Variants in TMEM255B observed in about 807,000 individuals in gnomAD.
TMEM255B encodes the protein transmembrane protein 255B.
A neutral mutation model predicts 34.5 loss-of-function variants in TMEM255B; 35 were observed. That is an observed-to-expected ratio of 1.01 (90% CI 0.77 to 1.34). TMEM255B has a LOEUF of 1.34. Among genes scored for constraint, TMEM255B ranks in the 40% most tolerant of loss-of-function variants. TMEM255B has a pLI of 0.00. For missense variants in TMEM255B, 432 were observed against 433.2 expected (o/e 1.00, Z 0.02); for synonymous variants, 206 against 201.2 (o/e 1.02, Z -0.20).
chr13:113,777,308 C>T (rs1442472801), intron 3 of TMEM255B, among the ~76,000 whole-genome samples: 1 of 152,156 alleles, frequency 6.6e-6, no homozygotes, highest in African/African-American at 2.4e-5. Context: ...CTCTCTGCCT[C>T]TCTTTACACC....
At chr13:113,786,209 C>T (rs1408761989) in intron 3 of TMEM255B, among the ~76,000 whole-genome samples, 2 of 152,154 alleles carry the variant, frequency 1.3e-5, no homozygotes, top group Non-Finnish European at 2.9e-5. Context: ...TTGTCACCAT[C>T]GTCACCATCC....
In TMEM255B at chr13:113,812,881, TGGGTCACAGGCCC is replaced by T. The variant is rs2051343743; in HGVS notation, c.*979_*991del. On this transcript the variant is annotated 3_prime_UTR_variant, in exon 9 of 9. Coordinates refer to ENST00000375353, the MANE Select transcript of TMEM255B (RefSeq NM_182614.4). ...TCCCGGGTGGGTCACAGGTCCCGAGTGGGTCACAGGCCCCGGGTGAGTCACAGGCCCCGGGTGA... is the reference window on the plus strand; with the variant it reads ...TCCCGGGTGGGTCACAGGTCCCGAGTCGGGTGAGTCACAGGCCCCGGGTGA... 2 of 155,836 alleles carry T rather than the reference TGGGTCACAGGCCC, an allele frequency of 1.3e-5. No individual in the cohort carries two copies. The highest frequency in any genetic ancestry group is 5.8e-5 in the African/African-American group (2 of 34,560). The allele number at this position is 155,836 out of a possible 1,614,324, so 9.7% of individuals were successfully genotyped here. A position where few individuals can be genotyped will look rare whatever the true frequency, so the allele number is the denominator to read the frequency against.
chr13:113,766,268 C>T lies in TMEM255B; in HGVS notation c.189+11C>T, dbSNP rs145294541. ...TACCCAGGGATCATTGTGAGTGCGC[C>T]GGGCGGGCGGCCTGGGCCGGGGAGG... is the stretch of plus-strand genomic sequence containing the variant. On this transcript the variant is annotated intron_variant, in intron 2 of 8. Coordinates refer to ENST00000375353, the MANE Select transcript of TMEM255B (RefSeq NM_182614.4). The T allele has an allele frequency of 1.9e-5, 30 of 1,613,632 alleles. No individual in the cohort carries two copies. Among genetic ancestry groups the T allele is most frequent in the Admixed American group, 6.7e-5 (4 of 60,008 alleles).
chr13:113,792,667 A>G (rs893309865), intron 3 of TMEM255B, among the ~76,000 whole-genome samples: 13 of 152,334 alleles, frequency 8.5e-5, no homozygotes, highest in African/African-American at 3.1e-4. Flanking sequence ...GGGCAGCTAC[A>G]CCATGCGATG....
At chr13:113,795,289 G>A (rs570318916) in intron 4 of TMEM255B, 52 bp downstream of exon 4, 9 of 1,563,312 alleles carry the variant, frequency 5.8e-6, no homozygotes, top group African/African-American at 2.7e-5. Context: ...TGAAAGAGTC[G>A]ACGTGAAAAA....
chr13:113,786,754 A>G (rs2050753269), intron 3 of TMEM255B, among the ~76,000 whole-genome samples: 2 of 152,238 alleles, frequency 1.3e-5, no homozygotes, highest in African/African-American at 4.8e-5. Context: ...CCTCCCTGGC[A>G]TCCACGTCAG....
At chr13:113,805,740 G>C (rs2051159153) in intron 8 of TMEM255B, among the ~76,000 whole-genome samples, 1 of 152,236 alleles carries the variant, frequency 6.6e-6, no homozygotes, top group African/African-American at 2.4e-5. Flanking sequence ...CCGCCGGTGT[G>C]ACAACCCAAA....
rs1330660110 is a variant in TMEM255B at position 113,806,247 on chromosome 13, G to C, written c.813+1219G>C. Among the ~76,000 whole-genome samples the C allele has an allele frequency of 6.6e-6, 1 of 152,038 alleles. No individual in the cohort carries two copies. The highest frequency in any genetic ancestry group is 1.5e-5 in the Non-Finnish European group (1 of 67,986). On this transcript the variant is annotated intron_variant, in intron 8 of 8. Transcript: ENST00000375353. This position sits in a 1 kb window ranked among gnomAD's most constrained non-coding sequence, Gnocchi z 4.2. ...GGACCTGCACCAGGGACCCCGAGGA[G>C]GGAGCAGGAACCAGCACTCATGGAG...
intron 3 of TMEM255B, among the ~76,000 whole-genome samples, chr13:113,777,105 A>G (rs1282342780): frequency 6.6e-6 from 1 of 151,894 alleles, no homozygotes; most frequent in Non-Finnish European, 1.5e-5. Flanking sequence ...ATATCTGCAT[A>G]TTTTTGGACA....
At chr13:113,778,708 C>T (rs1209495633) in intron 3 of TMEM255B, among the ~76,000 whole-genome samples, 1 of 151,926 alleles carries the variant, frequency 6.6e-6, no homozygotes, top group African/African-American at 2.4e-5. Context: ...AATGATATGA[C>T]GATGATCACC....
At chr13:113,777,402 TG>T (rs1361819398) in intron 3 of TMEM255B, among the ~76,000 whole-genome samples, 1 of 152,106 alleles carries the variant, frequency 6.6e-6, no homozygotes, top group Non-Finnish European at 1.5e-5. Context: ...TCAAGCCTGG[TG>T]GAGTGCCTGC....
chr13:113,768,811 C>T, intron 2 of TMEM255B: 2 of 526,416 alleles, frequency 3.8e-6, no homozygotes, highest in Non-Finnish European at 7.6e-6. Context: ...GATGTTGTCT[C>T]TGGGGGAGGA....
At position 113,766,190 on chromosome 13, in the gene TMEM255B, C is replaced by T; in HGVS notation, c.122C>T (p.Thr41Ile). The change falls in exon 2 of 9, where the codon ACC (threonine) becomes ATC (isoleucine). Residue 41 changes from threonine (T) to isoleucine (I), a missense_variant. By Grantham distance (89) the Thr-to-Ile change is moderately conservative. Transcript: ENST00000375353. ...CTGCTGGTGTCCGTCCTCATAGTCA[C>T]CGTCGGGCTGGCTGCCACCACCAGG... The part of the protein sequence containing the change: ...SLLLVSVLIV[T>I]VGLAATTRTE... 1 of 1,614,236 alleles carries T rather than the reference C, an allele frequency of 6.2e-7. No individual in the cohort carries two copies. The highest frequency in any genetic ancestry group is 8.5e-7 in the Non-Finnish European group (1 of 1,180,028).
At chr13:113,775,560 C>T (rs1381211733) in intron 3 of TMEM255B, among the ~76,000 whole-genome samples, 3 of 152,396 alleles carry the variant, frequency 2.0e-5, no homozygotes, top group Admixed American at 6.5e-5. Flanking sequence ...CAAGGCCCCA[C>T]GGCCCCGAGT....
chr13:113,813,691 G>A lies in TMEM255B; in HGVS notation c.*1788G>A, dbSNP rs1253436697. ...GCACATCCACACATGAACGGTGGCTGGCTGGGCCCAGGGGCCCTAACGGGC... is the reference window on the plus strand; with the variant it reads ...GCACATCCACACATGAACGGTGGCTAGCTGGGCCCAGGGGCCCTAACGGGC... On this transcript the variant is annotated 3_prime_UTR_variant, in exon 9 of 9. Coordinates refer to ENST00000375353, the MANE Select transcript of TMEM255B (RefSeq NM_182614.4). 6.6e-6 allele frequency: 1 copy of A among 152,246 alleles called. No individual in the cohort carries two copies. Among genetic ancestry groups the A allele is most frequent in the Non-Finnish European group, 1.5e-5 (1 of 68,062 alleles). 9.4% of individuals were successfully genotyped at this position (152,246 alleles called of 1,614,324 possible). A position where few individuals can be genotyped will look rare whatever the true frequency, so the allele number is the denominator to read the frequency against.
At position 113,769,564 on chromosome 13, in the gene TMEM255B, T is replaced by G. The variant is rs1594622742; in HGVS notation, c.252+404T>G. On this transcript the variant is annotated intron_variant, in intron 3 of 8. Coordinates refer to ENST00000375353, the MANE Select transcript of TMEM255B (RefSeq NM_182614.4). The surrounding 1 kb of genome is among the most constrained non-coding windows in gnomAD (Gnocchi z 4.2). ...TGGCTCTAGAGTCTTGTTTTTCGTC[T>G]GAGTTTGGTTAATGTTTATCTTGCC... 5.3e-6 allele frequency: 1 copy of G among 187,698 alleles called. No individual in the cohort carries two copies. The highest frequency in any genetic ancestry group is 1.1e-5 in the Non-Finnish European group (1 of 87,308). The allele number at this position is 187,698 out of a possible 1,614,324, so 11.6% of individuals were successfully genotyped here. A position where few individuals can be genotyped will look rare whatever the true frequency, so the allele number is the denominator to read the frequency against.
At chr13:113,810,961 GGAGT>G (rs1268438443) in intron 8 of TMEM255B, among the ~76,000 whole-genome samples, 2 of 152,148 alleles carry the variant, frequency 1.3e-5, no homozygotes, top group Non-Finnish European at 1.5e-5. Context: ...TGTTGGTTTT[GGAGT>G]CAGGTCAGAG....
chr13:113,775,495 G>C (rs2050560996), intron 3 of TMEM255B, among the ~76,000 whole-genome samples: 1 of 152,262 alleles, frequency 6.6e-6, no homozygotes, highest in Non-Finnish European at 1.5e-5. Context: ...GTGTTGGGCG[G>C]CTCTGCGGGT....
At chr13:113,772,779 G>A (rs754444943) in intron 3 of TMEM255B, among the ~76,000 whole-genome samples, 3 of 152,176 alleles carry the variant, frequency 2.0e-5, no homozygotes, top group Non-Finnish European at 4.4e-5. Context: ...CTTTGCTTGT[G>A]CCGGTACCAC....
Sources: allele counts gnomAD v4.1 joint callset (sites outside exome capture counted in the v4.1 genomes callset), GRCh38; gene constraint gnomAD v4.1.1; non-coding constraint Gnocchi (gnomAD v3.1); transcripts MANE v1.5; gene names NCBI Gene and HGNC (gene_info 2026-07-23, HGNC 2026-07-21).